The following STXBP6 variants were observed in gnomAD, a reference collection of about 807,000 sequenced individuals.
STXBP6 encodes syntaxin binding protein 6.
Under a neutral mutation model 26.9 loss-of-function variants are expected in STXBP6, and 21 were observed. That is an observed-to-expected ratio of 0.78 (90% CI 0.55 to 1.12). The LOEUF is 1.12. Among genes scored for constraint, STXBP6 ranks in the 50% most tolerant of loss-of-function variants. STXBP6 has a pLI of 0.00. For missense variants in STXBP6, 232 were observed against 257.9 expected, an observed-to-expected ratio of 0.90 and a Z score of 0.69; for synonymous variants, 97 against 92.6, an observed-to-expected ratio of 1.05 and a Z score of -0.27.
At position 25,049,961 on chromosome 14, in the gene STXBP6, G is replaced by T; in HGVS notation, c.-116C>A. On this transcript the variant is annotated 5_prime_UTR_variant, in exon 1 of 6. Coordinates refer to ENST00000323944, the MANE Select transcript of STXBP6 (RefSeq NM_001394410.1). The surrounding 1 kb of genome is among the most constrained non-coding windows in gnomAD (Gnocchi z 5.6). Reference sequence around the variant, plus strand: ...AGGCTCCTCCCCGGGGGGCTGCCCCGCGCGGGGCTCCGGGCTCCGGACAAG... The same window carrying T: ...AGGCTCCTCCCCGGGGGGCTGCCCCTCGCGGGGCTCCGGGCTCCGGACAAG... The T allele has an allele frequency of 2.4e-6, 2 of 837,036 alleles. No homozygotes were observed. The highest frequency in any genetic ancestry group is 1.4e-6 in the Non-Finnish European group (1 of 696,534). 51.9% of individuals were successfully genotyped at this position (837,036 alleles called of 1,614,324 possible). A position where few individuals can be genotyped will look rare whatever the true frequency, so the allele number is the denominator to read the frequency against.
intron 2 of STXBP6, among the ~76,000 whole-genome samples, chr14:24,863,645 C>T (rs531281708): frequency 1.3e-5 from 2 of 152,216 alleles, no homozygotes; most frequent in South Asian, 4.2e-4. Flanking sequence ...AATCTCTTTT[C>T]CTGCAATCCT....
intron 4 of STXBP6, among the ~76,000 whole-genome samples, chr14:24,838,713 C>A (rs2068698221): frequency 6.6e-6 from 1 of 151,738 alleles, no homozygotes; most frequent in Admixed American, 6.6e-5. Flanking sequence ...GAAAAAATGG[C>A]CAGTAACTTA....
chr14:24,986,989 A>G (rs1343574004), intron 1 of STXBP6, among the ~76,000 whole-genome samples: 1 of 152,210 alleles, frequency 6.6e-6, no homozygotes, highest in Non-Finnish European at 1.5e-5. Flanking sequence ...CTGTCATTCA[A>G]TGTCAACCCC....
chr14:24,890,277 G>T (rs1290769241), intron 2 of STXBP6, among the ~76,000 whole-genome samples: 3 of 152,208 alleles, frequency 2.0e-5, no homozygotes, highest in Admixed American at 6.5e-5. Flanking sequence ...AACTGCAAAA[G>T]ATCTTAGAAA....
chr14:24,983,422 A>C (rs1403226403), intron 1 of STXBP6, among the ~76,000 whole-genome samples: 1 of 152,244 alleles, frequency 6.6e-6, no homozygotes, highest in Admixed American at 6.5e-5. Flanking sequence ...AAGCCACATA[A>C]AGATTGACTT....
intron 4 of STXBP6, among the ~76,000 whole-genome samples, chr14:24,831,290 T>C (rs371996600): frequency 5.9e-5 from 9 of 152,308 alleles, no homozygotes; most frequent in African/African-American, 2.2e-4. Flanking sequence ...CAATACATTA[T>C]ATTGTAATTA....
chr14:24,997,627 A>G (rs1301041875), intron 1 of STXBP6, among the ~76,000 whole-genome samples: 3 of 152,248 alleles, frequency 2.0e-5, no homozygotes, highest in Non-Finnish European at 2.9e-5. Context: ...AGAGCACTGA[A>G]TAAGTATTTT....
In STXBP6 at chr14:25,049,752, C is replaced by T. The variant is rs2075777528; in HGVS notation, c.-33+126G>A. On this transcript the variant is annotated intron_variant, in intron 1 of 5. Coordinates refer to ENST00000323944, the MANE Select transcript of STXBP6 (RefSeq NM_001394410.1). This position sits in a 1 kb window ranked among gnomAD's most constrained non-coding sequence, Gnocchi z 5.6. ...AATCTCTCTGGGAGCCTGCCTACTC[C>T]CCTGGCCTCACAGCCACCCGCCTCG... 2 of 985,468 alleles carry T rather than the reference C, an allele frequency of 2.0e-6. No homozygotes were observed. Among genetic ancestry groups the T allele is most frequent in the African/African-American group, 3.5e-5 (2 of 57,252 alleles). The allele number at this position is 985,468 out of a possible 1,614,324, so 61.0% of individuals were successfully genotyped here. A position where few individuals can be genotyped will look rare whatever the true frequency, so the allele number is the denominator to read the frequency against.
At position 24,921,407 on chromosome 14, in the gene STXBP6, A is replaced by G. The variant is rs930146141; in HGVS notation, c.154+53258T>C. 4.6e-5 allele frequency among the ~76,000 whole-genome samples: 7 copies of G among 152,120 alleles called. 2 individuals carry two copies. Among genetic ancestry groups the G allele is most frequent in the Admixed American group, 3.9e-4 (6 of 15,270 alleles). ...TTATATTTACCTTTTAAGAAGTGCA[A>G]TTTTACTAAAACTTTCCAATATCTG... On this transcript the variant is annotated intron_variant, in intron 2 of 5. Transcript: ENST00000323944.
At chr14:25,009,663 G>A (rs75771876) in intron 1 of STXBP6, among the ~76,000 whole-genome samples, 1,892 of 152,164 alleles carry the variant, frequency 0.012, 37 homozygotes, top group African/African-American at 0.043. Flanking sequence ...AGAGATCCAG[G>A]TTTTCTAGTC....
intron 1 of STXBP6, among the ~76,000 whole-genome samples, chr14:25,046,738 G>A (rs1164688253): frequency 3.9e-5 from 6 of 152,206 alleles, no homozygotes; most frequent in South Asian, 2.1e-4. Flanking sequence ...GTCATAGGAA[G>A]TCATGGTGAG....
rs1189924969 is a variant in STXBP6 at position 24,960,371 on chromosome 14, C to A, written c.154+14294G>T. ...GGTCTCTAACCATGACTATGCCTCC[C>A]TTCAATAAAAAATTTATGACTGTTA... On this transcript the variant is annotated intron_variant, in intron 2 of 5. Transcript: ENST00000323944. Among the ~76,000 whole-genome samples the A allele has an allele frequency of 5.3e-5, 8 of 152,038 alleles. No individual in the cohort carries two copies. In the South Asian group the frequency reaches 1.7e-3, roughly 32 times the overall value.
chr14:24,920,897 T>C (rs1163869874), intron 2 of STXBP6, among the ~76,000 whole-genome samples: 1 of 152,144 alleles, frequency 6.6e-6, no homozygotes, highest in Non-Finnish European at 1.5e-5. Flanking sequence ...AGCTCAGTTA[T>C]CAGGATAGTA....
chr14:24,897,429 GA>G (rs71121805), intron 2 of STXBP6, among the ~76,000 whole-genome samples: 32,670 of 125,006 alleles, frequency 0.26, 4,671 homozygotes, highest in Admixed American at 0.41. Context: ...AAAAAAAAAG[GA>G]AAAAAAAAAA....
intron 2 of STXBP6, among the ~76,000 whole-genome samples, chr14:24,932,389 G>A (rs1183224156): frequency 6.6e-6 from 1 of 152,112 alleles, no homozygotes; most frequent in Admixed American, 6.5e-5. Flanking sequence ...CGGACATGGT[G>A]GTACATGCCT....
At chr14:24,974,238 T>TA (rs1410935476) in intron 2 of STXBP6, among the ~76,000 whole-genome samples, 1 of 152,230 alleles carries the variant, frequency 6.6e-6, no homozygotes, top group Non-Finnish European at 1.5e-5. Flanking sequence ...ATATTTATCT[T>TA]AAGACAAGTG....
intron 2 of STXBP6, among the ~76,000 whole-genome samples, chr14:24,897,755 T>C (rs1317747778): frequency 1.3e-5 from 2 of 152,188 alleles, no homozygotes; most frequent in Non-Finnish European, 2.9e-5. Context: ...AGGGAGTCTT[T>C]TAAGAGGTGA....
At chr14:24,970,026 G>C (rs955569878) in intron 2 of STXBP6, among the ~76,000 whole-genome samples, 15 of 152,312 alleles carry the variant, frequency 9.8e-5, no homozygotes, top group Admixed American at 7.8e-4. Context: ...CGGATGGCCT[G>C]AGGTCGGGAA....
rs1016891981 is a variant in STXBP6 at position 24,974,669 on chromosome 14, C to A, written c.150G>T (p.Leu50=). The change falls in exon 2 of 6, where the codon CTG becomes CTT. Residue 50 remains leucine, a synonymous_variant. Transcript: ENST00000323944. ...GQGEYLTYIC[L]SVTNKKPTQA... is the part of the protein sequence containing the mutation. ...TTAATATCTGGTTCTCATTACCTGA[C>A]AGGCAGATATAAGTTAAATATTCGC... The A allele has an allele frequency of 1.3e-6, 2 of 1,548,632 alleles. No homozygotes were observed. Among genetic ancestry groups the A allele is most frequent in the African/African-American group, 2.7e-5 (2 of 72,900 alleles).
Sources: gnomAD v4.1 joint callset for allele counts (sites outside exome capture counted in the v4.1 genomes callset) on GRCh38, gnomAD v4.1.1 for gene constraint, Gnocchi (gnomAD v3.1) non-coding constraint, MANE v1.5 for transcripts, NCBI Gene and HGNC (gene_info 2026-07-23, HGNC 2026-07-21) for gene names.